UBE2D3: variants seen among roughly 807,000 people sequenced by gnomAD.
UBE2D3 encodes the protein ubiquitin-conjugating enzyme E2 D3.
A neutral mutation model predicts 22.8 loss-of-function variants in UBE2D3; 2 were observed. The ratio of observed to expected loss-of-function variants is 0.09; its 90% CI spans 0.04 to 0.28. The LOEUF (loss-of-function observed/expected upper bound fraction) is 0.28, where lower values mean the gene tolerates loss of function less well. UBE2D3 is among the 10% of genes least tolerant of loss of function. The pLI is 1.00. For missense variants in UBE2D3, 27 were observed against 182.5 expected (o/e 0.15, Z 4.91); for synonymous variants, 56 against 60.4 (o/e 0.93, Z 0.34).
intron 1 of UBE2D3, among the ~76,000 whole-genome samples, chr4:102,840,512 C>G (rs1178207753): frequency 6.6e-5 from 10 of 151,990 alleles, no homozygotes. Flanking sequence ...GGAAGCTAAA[C>G]ATGTTGATCT....
At chr4:102,816,475 C>T (rs1024849135) in intron 2 of UBE2D3, among the ~76,000 whole-genome samples, 2 of 152,224 alleles carry the variant, frequency 1.3e-5, no homozygotes, top group African/African-American at 2.4e-5. Flanking sequence ...GAGGTTGTAG[C>T]TTGCTCTGGT....
At chr4:102,797,753 A>G (rs1725430309) in intron 7 of UBE2D3, among the ~76,000 whole-genome samples, 2 of 152,140 alleles carry the variant, frequency 1.3e-5, no homozygotes, top group South Asian at 4.1e-4. Context: ...CACCGAGCTC[A>G]TGCTCTAATT....
rs1431806549 is a variant in UBE2D3 at position 102,794,971 on chromosome 4, A to C, written c.*2444T>G. 1 of 152,114 alleles carries C rather than the reference A, an allele frequency of 6.6e-6. No individual in the cohort carries two copies. Among genetic ancestry groups the C allele is most frequent in the African/African-American group, 2.4e-5 (1 of 41,452 alleles). 9.4% of individuals were successfully genotyped at this position (152,114 alleles called of 1,614,324 possible). ...TCCTATACATGGCACTAGTAATGTC[A>C]AATTACTGGGTGGAGTGGGGCAAAG... On this transcript the variant is annotated 3_prime_UTR_variant, in exon 8 of 8. Coordinates refer to ENST00000453744, the MANE Select transcript of UBE2D3 (RefSeq NM_181891.3).
intron 1 of UBE2D3, among the ~76,000 whole-genome samples, chr4:102,835,042 T>C (rs1372296719): frequency 2.0e-5 from 3 of 152,158 alleles, no homozygotes; most frequent in Non-Finnish European, 4.4e-5. Context: ...GTATCCTTAG[T>C]GTTCACTTAT....
At chr4:102,830,511 A>G (rs955003007), upstream of UBE2D3, among the ~76,000 whole-genome samples, 14 of 152,230 alleles carry the variant, frequency 9.2e-5, no homozygotes, top group African/African-American at 3.1e-4. Flanking sequence ...AACTTTGTAA[A>G]TATAGTAGAT....
chr4:102,799,386 A>G lies in UBE2D3; in HGVS notation c.398+21T>C, dbSNP rs183533734. The stretch of plus-strand genomic sequence containing the variant: ...CTCATTAAGTAAAACCACTTTTATA[A>G]TAACTTTTTAACATACTTACTTATC... On this transcript the variant is annotated intron_variant, in intron 7 of 7. Transcript: ENST00000453744. 3.3e-4 allele frequency: 528 copies of G among 1,600,708 alleles called. 1 individual carries two copies. In the African/African-American group the frequency reaches 6.4e-3, roughly 19 times the overall value.
chr4:102,846,466 A>G (rs1732045821), intron 1 of UBE2D3, among the ~76,000 whole-genome samples: 1 of 152,216 alleles, frequency 6.6e-6, no homozygotes, highest in Non-Finnish European at 1.5e-5. Context: ...TAAATTTGCC[A>G]TGATCTAACC....
At chr4:102,837,316 T>C (rs1423087457) in intron 1 of UBE2D3, among the ~76,000 whole-genome samples, 1 of 152,224 alleles carries the variant, frequency 6.6e-6, no homozygotes, top group Non-Finnish European at 1.5e-5. Flanking sequence ...TATTAAAATC[T>C]GTTAAATAAA....
intron 4 of UBE2D3, 44 bp from the exon 5 acceptor site, chr4:102,802,682 T>G: frequency 1.4e-6 from 2 of 1,436,948 alleles, no homozygotes; most frequent in Non-Finnish European, 1.9e-6. Context: ...AAAATATTAT[T>G]GCTAAATATT....
chr4:102,804,248 G>A (rs1256366117), intron 4 of UBE2D3, among the ~76,000 whole-genome samples: 3 of 152,002 alleles, frequency 2.0e-5, no homozygotes, highest in Non-Finnish European at 2.9e-5. Flanking sequence ...TGCAAGCGCC[G>A]CCTCCCCAGG....
chr4:102,859,011 T>C (rs1732757311), intron 1 of UBE2D3, among the ~76,000 whole-genome samples: 2 of 151,950 alleles, frequency 1.3e-5, no homozygotes, highest in South Asian at 4.2e-4. Flanking sequence ...ACTTTCACGT[T>C]TTCATGTTGC....
chr4:102,841,513 C>G (rs1295440377), intron 1 of UBE2D3, among the ~76,000 whole-genome samples: 1 of 152,114 alleles, frequency 6.6e-6, no homozygotes, highest in Non-Finnish European at 1.5e-5. Flanking sequence ...TGTCTTTCAC[C>G]CTTCCCTTTC....
At chr4:102,817,990 G>C (rs1320018182) in intron 2 of UBE2D3, among the ~76,000 whole-genome samples, 1 of 152,140 alleles carries the variant, frequency 6.6e-6, no homozygotes, top group Non-Finnish European at 1.5e-5. Flanking sequence ...TTCCTTCCTA[G>C]CAGTCTAGAG....
intron 2 of UBE2D3, among the ~76,000 whole-genome samples, chr4:102,822,625 CAT>C (rs1389510102): frequency 2.0e-5 from 3 of 152,162 alleles, no homozygotes; most frequent in African/African-American, 7.2e-5. Context: ...ACTAAAATCA[CAT>C]ACATTATAAA....
In UBE2D3 at chr4:102,856,234, C is replaced by T. The variant is rs991931663; in HGVS notation, c.-129+12481G>A. ...TACAAAAATTAGCCAGGCATGGTGG[C>T]GCAAGCCTGTGATCCCAGCTACTCG... On this transcript the variant is annotated intron_variant, in intron 1 of 7. Transcript: ENST00000338145. 3.3e-5 allele frequency among the ~76,000 whole-genome samples: 5 copies of T among 152,188 alleles called. No individual in the cohort carries two copies. In the East Asian group the frequency reaches 5.8e-4, roughly 18 times the overall value.
chr4:102,850,665 T>C (rs74362499), intron 1 of UBE2D3, among the ~76,000 whole-genome samples: 3 of 152,188 alleles, frequency 2.0e-5, no homozygotes, highest in Non-Finnish European at 4.4e-5. Context: ...ATTTTACTTA[T>C]ATTTCTCTGT....
chr4:102,840,587 G>A lies in UBE2D3; in HGVS notation c.-128-13951C>T, dbSNP rs190563390. ...GGAAAGGTGTCTGGGTGGGAGGGGGGATGAAGAGACGTTGGTGAATGGGTA... is the reference window on the plus strand; with the variant it reads ...GGAAAGGTGTCTGGGTGGGAGGGGGAATGAAGAGACGTTGGTGAATGGGTA... On this transcript the variant is annotated intron_variant, in intron 1 of 7. Coordinates refer to the UBE2D3 transcript ENST00000338145. Among the ~76,000 whole-genome samples, 4 of 152,232 alleles carry A rather than the reference G, an allele frequency of 2.6e-5. No homozygotes were observed. The East Asian group carries it at 7.7e-4, about 29-fold the overall frequency.
At chr4:102,807,502 A>G (rs1444902114) in intron 4 of UBE2D3, among the ~76,000 whole-genome samples, 1 of 152,196 alleles carries the variant, frequency 6.6e-6, no homozygotes, top group Non-Finnish European at 1.5e-5. Context: ...AACTGAAAAC[A>G]TATTTCAGTG....
upstream of UBE2D3, among the ~76,000 whole-genome samples, chr4:102,832,374 G>C (rs538138464): frequency 6.6e-6 from 1 of 152,116 alleles, no homozygotes; most frequent in Non-Finnish European, 1.5e-5. Flanking sequence ...TGAAAGACAT[G>C]ACTGGAGATC....
Sources: gnomAD v4.1 joint callset for allele counts (sites outside exome capture counted in the v4.1 genomes callset) on GRCh38, gnomAD v4.1.1 for gene constraint, MANE v1.5 for transcripts, NCBI Gene and HGNC (gene_info 2026-07-23, HGNC 2026-07-21) for gene names.